Variants in DMD observed in about 807,000 individuals in gnomAD.
The protein encoded by DMD is mutant dystrophin.
DMD carries 63 observed loss-of-function variants against 330.1 expected under a neutral mutation model. The ratio of observed to expected loss-of-function variants is 0.19; its 90% CI spans 0.16 to 0.24. DMD has a LOEUF of 0.24. DMD is among the 10% of genes least tolerant of loss of function. The pLI is 1.00. For synonymous variants in DMD, 1,223 were observed against 959.8 expected (o/e 1.27, Z -5.07); for missense variants, 3,344 against 2,684.1 (o/e 1.25, Z -5.43).
At chrX:31,508,237 T>C (rs748807773) in intron 55 of DMD, 2 of 1,205,176 alleles carry the variant, frequency 1.7e-6, no homozygotes, top group African/African-American at 1.8e-5. Flanking sequence ...CTGTGTAACA[T>C]TTTCAGCTTG....
intron 30 of DMD, among the ~76,000 whole-genome samples, chrX:32,403,127 C>T (rs1350033348): frequency 8.9e-6 from 1 of 111,777 alleles, no homozygotes; most frequent in Non-Finnish European, 1.9e-5. Flanking sequence ...AAAGATTTAA[C>T]AATCACGATA....
At chrX:33,299,459 G>T (rs1393550463) in intron 1 of DMD, among the ~76,000 whole-genome samples, 1 of 111,334 alleles carries the variant, frequency 9.0e-6, no homozygotes, top group Non-Finnish European at 1.9e-5. Context: ...AAAAACTTTG[G>T]TAAGGAGCTG....
chrX:32,485,977 A>G (rs1157385669), intron 20 of DMD, among the ~76,000 whole-genome samples: 3 of 109,412 alleles, frequency 2.7e-5, no homozygotes, highest in Admixed American at 9.9e-5. Flanking sequence ...TGCTGACCTC[A>G]TGATCCACCC....
rs765999010 is a variant in DMD, at chrX:32,399,641, A to T, written c.4234-9460T>A. Among the ~76,000 whole-genome samples the T allele has an allele frequency of 4.5e-5, 5 of 111,432 alleles. No individual in the cohort carries two copies. The East Asian group carries it at 1.4e-3, about 32-fold the overall frequency. ...TCATACACTGCTGGTAGGAATGTAA[A>T]CTAGTACAACCACTATGGAAAACAA... On this transcript the variant is annotated intron_variant, in intron 30 of 78. Coordinates refer to ENST00000357033, the MANE Select transcript of DMD (RefSeq NM_004006.3).
intron 74 of DMD, among the ~76,000 whole-genome samples, chrX:31,167,797 CA>C (rs1892545693): frequency 8.9e-6 from 1 of 111,735 alleles, no homozygotes; most frequent in Non-Finnish European, 1.9e-5. Flanking sequence ...AGGTTTTTAG[CA>C]AACATTTCCT....
At chrX:32,159,544 C>A (rs1245380922) in intron 44 of DMD, among the ~76,000 whole-genome samples, 1 of 111,772 alleles carries the variant, frequency 8.9e-6, no homozygotes, top group Non-Finnish European at 1.9e-5. Flanking sequence ...TTTATGTCCT[C>A]AATGCTTCAT....
At chrX:32,323,633 G>C (rs1258101081) in intron 41 of DMD, among the ~76,000 whole-genome samples, 2 of 111,609 alleles carry the variant, frequency 1.8e-5, no homozygotes, top group Non-Finnish European at 1.9e-5. Flanking sequence ...CAACACTACA[G>C]AAATATAGGC....
intron 67 of DMD, among the ~76,000 whole-genome samples, chrX:31,184,050 G>A (rs2041468029): frequency 9.1e-6 from 1 of 109,507 alleles, no homozygotes; most frequent in Non-Finnish European, 1.9e-5. Flanking sequence ...CTGGGACCAT[G>A]GGCACACGCC....
rs1016606904 is a variant in DMD, at chrX:32,772,056, G to A, written c.649+37437C>T. ...GGTACAGAAGAAGATAGAACTAGAA[G>A]AATGGGCTGTCAATGCCTAACTGAT... is the stretch of plus-strand genomic sequence containing the variant. On this transcript the variant is annotated intron_variant, in intron 7 of 78. Transcript: ENST00000357033. Among the ~76,000 whole-genome samples, 3 of 112,309 alleles carry A rather than the reference G, an allele frequency of 2.7e-5. No homozygotes were observed. The Admixed American group carries it at 2.8e-4, about 11-fold the overall frequency.
At chrX:32,382,777 T>C (rs1436495056) in intron 33 of DMD, among the ~76,000 whole-genome samples, 4 of 110,615 alleles carry the variant, frequency 3.6e-5, no homozygotes, top group Non-Finnish European at 7.6e-5. Flanking sequence ...ATTCAATATT[T>C]CAAAGAAATT....
chrX:31,611,087 T>A (rs1295046849), intron 55 of DMD, among the ~76,000 whole-genome samples: 2 of 110,192 alleles, frequency 1.8e-5, no homozygotes, highest in Non-Finnish European at 3.8e-5. Flanking sequence ...AGAATCATTT[T>A]TTTTTTTTTC....
chrX:31,635,828 C>T (rs767300000), intron 54 of DMD, among the ~76,000 whole-genome samples: 5 of 110,930 alleles, frequency 4.5e-5, no homozygotes, highest in Admixed American at 3.9e-4. Flanking sequence ...AACATACATG[C>T]GACCAACAAG....
chrX:32,449,521 A>C (rs2098320721), intron 26 of DMD, among the ~76,000 whole-genome samples: 1 of 109,332 alleles, frequency 9.1e-6, no homozygotes, highest in Admixed American at 9.8e-5. Flanking sequence ...ATGACAAGCA[A>C]TCCAAAGTAA....
At chrX:31,186,854 G>A (rs1328246589) in intron 67 of DMD, among the ~76,000 whole-genome samples, 1 of 112,760 alleles carries the variant, frequency 8.9e-6, no homozygotes, top group Non-Finnish European at 1.9e-5. Context: ...CATTCATCGA[G>A]TCCAAACTCT....
intron 45 of DMD, among the ~76,000 whole-genome samples, chrX:31,965,828 A>C (rs747741093): frequency 7.1e-5 from 8 of 112,064 alleles, no homozygotes; most frequent in Non-Finnish European, 1.5e-4. Context: ...TGAATTGTCT[A>C]TCTTAAACTG....
At chrX:32,700,847 G>A (rs1038192449) in intron 7 of DMD, among the ~76,000 whole-genome samples, 1 of 111,499 alleles carries the variant, frequency 9.0e-6, no homozygotes, top group African/African-American at 3.2e-5. Context: ...CAGGTGTTCT[G>A]ATTATAAGTG....
intron 2 of DMD, among the ~76,000 whole-genome samples, chrX:32,887,835 GA>G (rs1286877240): frequency 1.1e-5 from 1 of 93,120 alleles, no homozygotes; most frequent in Non-Finnish European, 2.1e-5. Flanking sequence ...ATGAACCCAA[GA>G]GCATAGGCAA....
At chrX:32,986,897 G>T (rs942570733) in intron 2 of DMD, among the ~76,000 whole-genome samples, 2 of 112,210 alleles carry the variant, frequency 1.8e-5, no homozygotes, top group Admixed American at 1.9e-4. Flanking sequence ...ATAGGGAATG[G>T]GAATGCATTT....
intron 1 of DMD, among the ~76,000 whole-genome samples, chrX:33,264,253 T>TA (rs1308600373): frequency 1.8e-5 from 2 of 110,690 alleles, no homozygotes; most frequent in African/African-American, 3.3e-5. Flanking sequence ...AAACCAAAAA[T>TA]AAAAAAATAA....
Sources: allele counts gnomAD v4.1 joint callset (sites outside exome capture counted in the v4.1 genomes callset), GRCh38; gene constraint gnomAD v4.1.1; transcripts MANE v1.5; gene names NCBI Gene and HGNC (gene_info 2026-07-23, HGNC 2026-07-21).